The following TNK2 variants were observed in gnomAD, a reference collection of about 807,000 sequenced individuals.
TNK2 encodes the protein activated CDC42 kinase 1.
TNK2 carries 83 observed loss-of-function variants against 101.8 expected under a neutral mutation model. The ratio of observed to expected loss-of-function variants is 0.82; its 90% confidence interval spans 0.68 to 0.98. TNK2 has a LOEUF of 0.98. Among genes scored for constraint, TNK2 ranks in the 50% least tolerant of loss-of-function variants. The pLI is 0.00. For missense variants in TNK2, 1,665 were observed against 1,483.2 expected (o/e 1.12, Z -2.01); for synonymous variants, 804 against 633.0 (o/e 1.27, Z -4.06).
At chr3:195,903,061 CTTTT>C (rs372009463) in intron 1 of TNK2, among the ~76,000 whole-genome samples, 2 of 144,566 alleles carry the variant, frequency 1.4e-5, no homozygotes, top group African/African-American at 5.1e-5. Flanking sequence ...GCTAACACCA[CTTTT>C]TTTTTTTCTT....
chr3:195,886,962 C>T lies in TNK2; in HGVS notation c.234+15G>A. The T allele has an allele frequency of 1.2e-6, 2 of 1,614,070 alleles. No individual in the cohort carries two copies. The highest frequency in any genetic ancestry group is 2.2e-5 in the East Asian group (1 of 44,876). On this transcript the variant is annotated intron_variant, in intron 3 of 15. Coordinates refer to ENST00000672887, the MANE Select transcript of TNK2 (RefSeq NM_001382273.1). This position sits in a 1 kb window ranked among gnomAD's most constrained non-coding sequence, Gnocchi z 4.2. ...GCTGCCCCCCTCCCACCTCCTCACC[C>T]ACCTCCTCACCCACCTTACTCATCC... is the stretch of plus-strand genomic sequence containing the variant.
intron 1 of TNK2, among the ~76,000 whole-genome samples, chr3:195,891,440 T>C (rs990989967): frequency 9.9e-5 from 15 of 152,242 alleles, no homozygotes; most frequent in African/African-American, 3.4e-4. Context: ...TCAACTGCAC[T>C]TACTATATGC....
chr3:195,867,929 G>A lies in TNK2; in HGVS notation c.2369C>T (p.Pro790Leu), dbSNP rs774416682. 3 of 1,535,790 alleles carry A rather than the reference G, an allele frequency of 2.0e-6. No homozygotes were observed. The highest frequency in any genetic ancestry group is 1.2e-5 in the South Asian group (1 of 81,524). ...ETSQWPGPAS[P>L]PRVPPREPLS... ...GGGCTCCCGCGGAGGCACCCGGGGAGGGGAAGCAGGTCCAGGCCACTGGCT... is the reference window on the plus strand; with the variant it reads ...GGGCTCCCGCGGAGGCACCCGGGGAAGGGAAGCAGGTCCAGGCCACTGGCT... The change falls in exon 13 of 16, where the codon CCT (proline) becomes CTT (leucine). Residue 790 changes from proline to leucine, a missense_variant. Physicochemically the swap from Pro to Leu is moderately conservative, Grantham distance 98. Coordinates refer to ENST00000672887, the MANE Select transcript of TNK2 (RefSeq NM_001382273.1).
Position 195,888,405 on chromosome 3 carries a change from C to A in TNK2, c.163+21G>T. 6.2e-7 allele frequency: 1 copy of A among 1,608,782 alleles called. No individual in the cohort carries two copies. Among genetic ancestry groups the A allele is most frequent in the Non-Finnish European group, 8.5e-7 (1 of 1,176,376 alleles). On this transcript the variant is annotated intron_variant, in intron 2 of 15. Transcript: ENST00000672887. This position sits in a 1 kb window ranked among gnomAD's most constrained non-coding sequence, Gnocchi z 5.3. ...CGGAAAGGGTCAGGGGCAAGACAAG[C>A]CAGGCCAACATCCCACCTACCAGGC... is the stretch of plus-strand genomic sequence containing the variant.
Position 195,882,413 on chromosome 3 carries a change from C to A in TNK2, c.610-85G>T. ...CCACGCTGGGCCCCCAGTCCCCTTC[C>A]TGAAGGCTTTCCAGAGCCAGGCTGC... is the stretch of plus-strand genomic sequence containing the variant. On this transcript the variant is annotated intron_variant, in intron 5 of 15. Coordinates refer to ENST00000672887, the MANE Select transcript of TNK2 (RefSeq NM_001382273.1). The surrounding 1 kb of genome is among the most constrained non-coding windows in gnomAD (Gnocchi z 4.2). 1 of 1,580,354 alleles carries A rather than the reference C, an allele frequency of 6.3e-7. No homozygotes were observed. Among genetic ancestry groups the A allele is most frequent in the South Asian group, 1.1e-5 (1 of 87,600 alleles).
At chr3:195,892,317 G>T in intron 1 of TNK2, 1 of 1,296,888 alleles carries the variant, frequency 7.7e-7, no homozygotes, top group Non-Finnish European at 1.0e-6. Context: ...GGGTCCCTCA[G>T]CCGCTCCCAG....
chr3:195,867,896 G>T lies in TNK2; in HGVS notation c.2402C>A (p.Pro801His). 6.5e-7 allele frequency: 1 copy of T among 1,530,738 alleles called. No individual in the cohort carries two copies. The highest frequency in any genetic ancestry group is 8.7e-7 in the Non-Finnish European group (1 of 1,147,756). The allele number at this position is 1,530,738 out of a possible 1,614,324, so 94.8% of individuals were successfully genotyped here. The change falls in exon 13 of 16, where the codon CCT becomes CAT. Residue 801 changes from proline (P) to histidine (H), a missense_variant. Around this residue, in one of 3 missense-constraint regions of TNK2, gnomAD observed 1,136 missense variants for 894.9 expected, o/e 1.27. Transcript: ENST00000672887. ...GGGGCTGGGTGTCCTCGAGCCTTGA[G>T]GGGACAGGGGCTCCCGCGGAGGCAC... ...PRVPPREPLS[P>H]QGSRTPSPLV...
At chr3:195,864,623 C>A (rs1378280432) in intron 15 of TNK2, among the ~76,000 whole-genome samples, 2 of 145,616 alleles carry the variant, frequency 1.4e-5, no homozygotes, top group Non-Finnish European at 3.0e-5. Context: ...CACGGAGTGC[C>A]TGCATCCCAG....
At chr3:195,870,537 C>T (rs1460064617) in intron 10 of TNK2, 10 of 574,002 alleles carry the variant, frequency 1.7e-5, no homozygotes, top group South Asian at 3.8e-5. Flanking sequence ...ACTCCTGTCC[C>T]GCAGGCCACG....
chr3:195,906,719 T>C (rs1761758342), intron 1 of TNK2, among the ~76,000 whole-genome samples: 1 of 152,224 alleles, frequency 6.6e-6, no homozygotes, highest in African/African-American at 2.4e-5. Flanking sequence ...TTAAATTGTG[T>C]GTTTTAAATA....
chr3:195,901,096 G>A (rs986747677), intron 1 of TNK2, among the ~76,000 whole-genome samples: 6 of 152,210 alleles, frequency 3.9e-5, no homozygotes, highest in Admixed American at 2.0e-4. Context: ...AGAGCAGGCC[G>A]CAGGGCCCAG....
rs537157165 is a variant in TNK2, at chr3:195,868,342, G to A, written c.1956C>T (p.Asp652=). ...CAAAGTCATCCTCATCCTGGGCCAC[G>A]TCGTCATAGGCGGGCGGGGGGGGCA... is the stretch of plus-strand genomic sequence containing the variant. ...RPLPPPPAYD[D]VAQDEDDFEI... is the part of the protein sequence containing the mutation. The change falls in exon 13 of 16, where the codon GAC becomes GAT. Residue 652 remains aspartate (D), a synonymous_variant. Coordinates refer to ENST00000672887, the MANE Select transcript of TNK2 (RefSeq NM_001382273.1). 1.6e-5 allele frequency: 25 copies of A among 1,601,370 alleles called. No individual in the cohort carries two copies. In the African/African-American group the frequency reaches 1.9e-4, roughly 12 times the overall value.
At chr3:195,865,241 C>A (rs55725156) in intron 15 of TNK2, among the ~76,000 whole-genome samples, 1 of 110,378 alleles carries the variant, frequency 9.1e-6, no homozygotes, top group Non-Finnish European at 1.9e-5. Flanking sequence ...AAGAACCACC[C>A]GAGACAGTGA....
intron 1 of TNK2, among the ~76,000 whole-genome samples, chr3:195,897,793 C>T (rs1406380233): frequency 1.6e-5 from 2 of 122,268 alleles, no homozygotes; most frequent in African/African-American, 3.2e-5. Flanking sequence ...TGAGCCACTG[C>T]GCCTGCCCAC....
At chr3:195,876,633 G>A (rs1405209885) in intron 9 of TNK2, 1 of 456,194 alleles carries the variant, frequency 2.2e-6, no homozygotes, top group South Asian at 1.5e-5. Context: ...TCCAGGCACG[G>A]AGGGCAGGTG....
In TNK2 at chr3:195,888,937, T is replaced by C. The variant is rs1485363906; in HGVS notation, c.-18-331A>G. Among the ~76,000 whole-genome samples, 1 of 152,112 alleles carries C rather than the reference T, an allele frequency of 6.6e-6. No homozygotes were observed. The highest frequency in any genetic ancestry group is 1.9e-4 in the East Asian group (1 of 5,194). ...TAAGTTTCTAGGGGTCGAAAGTCCT[T>C]GAAAATCTTTTAAAAACTAACAGTG... is the stretch of plus-strand genomic sequence containing the variant. On this transcript the variant is annotated intron_variant, in intron 1 of 15. Coordinates refer to ENST00000672887, the MANE Select transcript of TNK2 (RefSeq NM_001382273.1). This position sits in a 1 kb window ranked among gnomAD's most constrained non-coding sequence, Gnocchi z 5.3.
chr3:195,894,363 G>T (rs1032153953), intron 1 of TNK2: 1 of 152,232 alleles, frequency 6.6e-6, no homozygotes. Context: ...CAGTAATCCA[G>T]CTGCGGGAAG....
At position 195,867,758 on chromosome 3, in the gene TNK2, A is replaced by G; in HGVS notation, c.2540T>C (p.Val847Ala). ...ASDPKYATPQ[V>A]IQAPGPRAGP... Reference sequence around the variant, plus strand: ...AGCCCGCGGGCCAGGGGCCTGGATCACCTGGGGGGTGGCGTACTTGGGGTC... The same window carrying G: ...AGCCCGCGGGCCAGGGGCCTGGATCGCCTGGGGGGTGGCGTACTTGGGGTC... Residue 847 changes from valine to alanine, a missense_variant, in exon 13 of 16, where the codon GTG becomes GCG. Transcript: ENST00000672887. The G allele has an allele frequency of 1.3e-6, 2 of 1,590,168 alleles. No homozygotes were observed. Among genetic ancestry groups the G allele is most frequent in the Non-Finnish European group, 1.7e-6 (2 of 1,169,844 alleles).
In TNK2 at chr3:195,885,083, G is replaced by C. The variant is rs374367537; in HGVS notation, c.235-50C>G. On this transcript the variant is annotated intron_variant, in intron 3 of 15. Transcript: ENST00000672887. The surrounding 1 kb of genome is among the most constrained non-coding windows in gnomAD (Gnocchi z 4.7). ...GATGGAATCCAACACCCCAGGGTCA[G>C]TCACTCAGTCCCACCCCGCTGGGTC... is the stretch of plus-strand genomic sequence containing the variant. 1.5e-5 allele frequency: 23 copies of C among 1,512,734 alleles called. No individual in the cohort carries two copies. The African/African-American group carries it at 2.1e-4, about 14-fold the overall frequency. The allele number at this position is 1,512,734 out of a possible 1,614,324, so 93.7% of individuals were successfully genotyped here.
Sources: gnomAD v4.1 joint callset for allele counts (sites outside exome capture counted in the v4.1 genomes callset) on GRCh38, gnomAD v4.1.1 for gene constraint, gnomAD v4.1.1 regional missense constraint, Gnocchi (gnomAD v3.1) non-coding constraint, MANE v1.5 for transcripts, NCBI Gene and HGNC (gene_info 2026-07-23, HGNC 2026-07-21) for gene names.